Variants in DPYD observed in about 807,000 individuals in gnomAD.
DPYD encodes dihydropyrimidine dehydrogenase.
DPYD carries 109 observed loss-of-function variants against 116.2 expected under a neutral mutation model. The ratio of observed to expected loss-of-function variants is 0.94; its 90% CI spans 0.80 to 1.10. The LOEUF is 1.10. Ranked by LOEUF, DPYD falls within the 50% of genes least tolerant of loss-of-function variation. The probability of loss-of-function intolerance (pLI) is 0.00; values close to 1 mark genes in which losing one functional copy is unlikely to be tolerated. For synonymous variants in DPYD, 440 were observed against 432.0 expected, an observed-to-expected ratio of 1.02 and a Z score of -0.23; for missense variants, 1,302 against 1,254.5, an observed-to-expected ratio of 1.04 and a Z score of -0.57.
chr1:97,827,199 T>C (rs183794787), intron 3 of DPYD, among the ~76,000 whole-genome samples: 8 of 152,260 alleles, frequency 5.3e-5, no homozygotes, highest in Admixed American at 1.3e-4. Flanking sequence ...CTCTTAGGTT[T>C]ATCCTTTCTC....
At chr1:97,726,812 C>A (rs1221471044) in intron 4 of DPYD, among the ~76,000 whole-genome samples, 1 of 151,046 alleles carries the variant, frequency 6.6e-6, no homozygotes, top group East Asian at 1.9e-4. Flanking sequence ...TTCAAGATTG[C>A]ACATAAAATG....
At chr1:97,595,480 TC>T (rs1452040935) in intron 8 of DPYD, among the ~76,000 whole-genome samples, 7 of 151,842 alleles carry the variant, frequency 4.6e-5, no homozygotes, top group African/African-American at 1.7e-4. Flanking sequence ...TATTCTTGCC[TC>T]ATATCATAAA....
At chr1:97,452,310 A>T (rs1676461474) in intron 13 of DPYD, among the ~76,000 whole-genome samples, 1 of 152,148 alleles carries the variant, frequency 6.6e-6, no homozygotes, top group Admixed American at 6.6e-5. Context: ...CTTCCACTAC[A>T]GCATAAGACT....
intron 13 of DPYD, among the ~76,000 whole-genome samples, chr1:97,485,668 T>A (rs928872569): frequency 1.6e-4 from 24 of 152,360 alleles, no homozygotes; most frequent in African/African-American, 5.5e-4. Flanking sequence ...TGGTTCATTT[T>A]AAAATACATG....
chr1:97,856,187 C>T (rs1217607718), intron 2 of DPYD: 1 of 151,656 alleles, frequency 6.6e-6, no homozygotes, highest in Admixed American at 6.6e-5. Context: ...CAGAAACAAA[C>T]TAACAGGAAA....
chr1:97,667,154 C>A (rs892481717), intron 8 of DPYD, among the ~76,000 whole-genome samples: 2 of 152,034 alleles, frequency 1.3e-5, no homozygotes, highest in Non-Finnish European at 2.9e-5. Flanking sequence ...GATATCTGTT[C>A]ATTTATAGAC....
At chr1:97,663,495 G>C (rs1463080597) in intron 8 of DPYD, among the ~76,000 whole-genome samples, 4 of 152,210 alleles carry the variant, frequency 2.6e-5, no homozygotes, top group Middle Eastern at 3.4e-3. Context: ...AGCTCTTGCA[G>C]CCCTACCTTT....
intron 13 of DPYD, among the ~76,000 whole-genome samples, chr1:97,506,370 C>T (rs1034062599): frequency 3.3e-5 from 5 of 151,808 alleles, no homozygotes; most frequent in Non-Finnish European, 5.9e-5. Context: ...TCTAAACATA[C>T]CCAAAATATG....
intron 16 of DPYD, among the ~76,000 whole-genome samples, chr1:97,320,034 G>GCC (rs1668141605): frequency 4.3e-5 from 6 of 140,432 alleles, no homozygotes; most frequent in Non-Finnish European, 1.6e-5. Flanking sequence ...ATTCAACAAT[G>GCC]CTTCATGCTA....
intron 3 of DPYD, among the ~76,000 whole-genome samples, chr1:97,819,482 A>G (rs1471653726): frequency 1.3e-5 from 2 of 152,008 alleles, no homozygotes; most frequent in Non-Finnish European, 2.9e-5. Context: ...TACAAACGTT[A>G]AATCATGTAT....
chr1:97,187,233 C>T (rs1019622278), intron 20 of DPYD, among the ~76,000 whole-genome samples: 5 of 152,058 alleles, frequency 3.3e-5, no homozygotes, highest in African/African-American at 1.2e-4. Context: ...ACATCCTCAC[C>T]TACATCTGTT....
chr1:97,715,697 A>T (rs1030597705), intron 5 of DPYD, among the ~76,000 whole-genome samples: 10 of 152,128 alleles, frequency 6.6e-5, no homozygotes, highest in Non-Finnish European at 1.5e-4. Flanking sequence ...AATCAACATA[A>T]TACACAGCTA....
rs1667821730 is a variant in DPYD at position 97,801,059 on chromosome 1, G to A, written c.233+27055C>T. 2.0e-5 allele frequency among the ~76,000 whole-genome samples: 3 copies of A among 151,790 alleles called. No individual in the cohort carries two copies. In the South Asian group the frequency reaches 6.2e-4, roughly 32 times the overall value. Reference sequence around the variant, plus strand: ...TCCAATTGTTATGGACTGAATGTCTGTGCCTACCAAAATTCACATGTTGAA... The same window carrying A: ...TCCAATTGTTATGGACTGAATGTCTATGCCTACCAAAATTCACATGTTGAA... On this transcript the variant is annotated intron_variant, in intron 3 of 22. Transcript: ENST00000370192.
chr1:97,288,092 C>A (rs966945627), intron 18 of DPYD, among the ~76,000 whole-genome samples: 2 of 151,278 alleles, frequency 1.3e-5, no homozygotes, highest in Admixed American at 6.6e-5. Context: ...ACAAAGAAGG[C>A]CATTACATAA....
chr1:97,623,787 A>T (rs1281037277), intron 8 of DPYD, among the ~76,000 whole-genome samples: 1 of 152,014 alleles, frequency 6.6e-6, no homozygotes, highest in Non-Finnish European at 1.5e-5. Flanking sequence ...AAATAGACAC[A>T]TCAACCAAGG....
At chr1:97,303,804 A>G (rs1248406217) in intron 18 of DPYD, among the ~76,000 whole-genome samples, 1 of 152,020 alleles carries the variant, frequency 6.6e-6, no homozygotes, top group Non-Finnish European at 1.5e-5. Flanking sequence ...GGCTTACCTA[A>G]GCTTATAGCC....
chr1:97,699,955 T>C (rs1661504507), intron 5 of DPYD, among the ~76,000 whole-genome samples: 1 of 152,086 alleles, frequency 6.6e-6, no homozygotes, highest in Non-Finnish European at 1.5e-5. Flanking sequence ...TACCCTTGCA[T>C]TATAGGAGTT....
At chr1:97,892,737 T>C (rs1267215281) in intron 1 of DPYD, among the ~76,000 whole-genome samples, 2 of 151,836 alleles carry the variant, frequency 1.3e-5, no homozygotes, top group Non-Finnish European at 2.9e-5. Flanking sequence ...TTACTAGCTC[T>C]GTACAAAGGC....
chr1:97,499,924 A>G (rs1417966731), intron 13 of DPYD, among the ~76,000 whole-genome samples: 1 of 151,956 alleles, frequency 6.6e-6, no homozygotes, highest in Non-Finnish European at 1.5e-5. Flanking sequence ...AATATGATGA[A>G]TCTGGGTGGC....
Sources: gnomAD v4.1 joint callset for allele counts (sites outside exome capture counted in the v4.1 genomes callset) on GRCh38, gnomAD v4.1.1 for gene constraint, MANE v1.5 for transcripts, NCBI Gene and HGNC (gene_info 2026-07-23, HGNC 2026-07-21) for gene names.